The following LGALS3BP variants were observed in gnomAD, a reference collection of about 807,000 sequenced individuals.
LGALS3BP encodes galectin-3-binding protein.
A neutral mutation model predicts 22.9 loss-of-function variants in LGALS3BP; 25 were observed. The ratio of observed to expected loss-of-function variants is 1.09; its 90% confidence interval spans 0.80 to 1.53. LGALS3BP has a LOEUF of 1.53. Ranked by LOEUF, LGALS3BP falls within the 40% of genes most tolerant of loss-of-function variation. The probability of loss-of-function intolerance (pLI) is 0.00; values close to 1 mark genes in which losing one functional copy is unlikely to be tolerated. For missense variants in LGALS3BP, 718 were observed against 752.0 expected, an observed-to-expected ratio of 0.95 and a Z score of 0.53; for synonymous variants, 335 against 331.1, an observed-to-expected ratio of 1.01 and a Z score of -0.13.
Position 78,976,544 on chromosome 17 carries a change from C to T in LGALS3BP, c.53-388G>A, listed in dbSNP as rs1445328911. On this transcript the variant is annotated intron_variant, in intron 2 of 5. Coordinates refer to ENST00000262776, the MANE Select transcript of LGALS3BP (RefSeq NM_005567.4). This position sits in a 1 kb window ranked among gnomAD's most constrained non-coding sequence, Gnocchi z 4.6. ...GGTGTCTGCAGTTTGGGGGTGCTGG[C>T]CTATGGGGGCAGCAGGCCTAGGGAC... is the stretch of plus-strand genomic sequence containing the variant. 1.3e-5 allele frequency among the ~76,000 whole-genome samples: 2 copies of T among 152,100 alleles called. No homozygotes were observed. Among genetic ancestry groups the T allele is most frequent in the African/African-American group, 4.8e-5 (2 of 41,426 alleles).
chr17:78,978,872 T>G (rs1338149652), intron 1 of LGALS3BP, among the ~76,000 whole-genome samples: 2 of 152,170 alleles, frequency 1.3e-5, no homozygotes, highest in Non-Finnish European at 2.9e-5. Context: ...AAGACCAGCC[T>G]GGCCAACATG....
Position 78,973,201 on chromosome 17 carries a change from A to G in LGALS3BP, c.398T>C (p.Leu133Pro), listed in dbSNP as rs1421482319. The G allele has an allele frequency of 2.6e-6, 4 of 1,564,272 alleles. No individual in the cohort carries two copies. Among genetic ancestry groups the G allele is most frequent in the Non-Finnish European group, 3.5e-6 (4 of 1,154,426 alleles). The change falls in exon 5 of 6, where the codon CTG (leucine) becomes CCG (proline). Residue 133 changes from leucine to proline, a missense_variant. By Grantham distance (98) the Leu-to-Pro change is moderately conservative (BLOSUM62 -3). Coordinates refer to ENST00000262776, the MANE Select transcript of LGALS3BP (RefSeq NM_005567.4). The surrounding 1 kb of genome is among the most constrained non-coding windows in gnomAD (Gnocchi z 5.8). ...CTCCGAGAGCTCCCTGGAGAGGTCC[A>G]GGGTGTGGGTGCTCCTGGTTTCTAA... is the stretch of plus-strand genomic sequence containing the variant. ...CTNETRSTHT[L>P]DLSRELSEAL...
In LGALS3BP at chr17:78,971,625, C is replaced by A; in HGVS notation, c.1709G>T (p.Arg570Leu). 6.2e-7 allele frequency: 1 copy of A among 1,613,646 alleles called. No homozygotes were observed. Among genetic ancestry groups the A allele is most frequent in the Non-Finnish European group, 8.5e-7 (1 of 1,179,998 alleles). The change falls in exon 6 of 6, where the codon CGC becomes CTC. Residue 570 changes from arginine to leucine, a missense_variant. By Grantham distance (102) the Arg-to-Leu change is moderately radical (BLOSUM62 -2). Coordinates refer to ENST00000262776, the MANE Select transcript of LGALS3BP (RefSeq NM_005567.4). This position sits in a 1 kb window ranked among gnomAD's most constrained non-coding sequence, Gnocchi z 5.6. ...PCPAGHFNGF[R>L]TVIRPFYLTN... ...CAGGTAGAAGGGGCGGATGACCGTG[C>A]GGAAGCCGTTGAAGTGCCCTGCCGG...
chr17:78,972,878 G>C lies in LGALS3BP; in HGVS notation c.629+92C>G, dbSNP rs2070686440. 6.7e-7 allele frequency: 1 copy of C among 1,494,454 alleles called. No individual in the cohort carries two copies. Among genetic ancestry groups the C allele is most frequent in the African/African-American group, 1.4e-5 (1 of 72,096 alleles). The allele number at this position is 1,494,454 out of a possible 1,614,324, so 92.6% of individuals were successfully genotyped here. On this transcript the variant is annotated intron_variant, in intron 5 of 5. Coordinates refer to ENST00000262776, the MANE Select transcript of LGALS3BP (RefSeq NM_005567.4). This position sits in a 1 kb window ranked among gnomAD's most constrained non-coding sequence, Gnocchi z 5.1. Reference sequence around the variant, plus strand: ...TGTGTACATGTGCATGCATGAGTATGTGCAGGTGTGTGTGTGGGGGGCTGT... The same window carrying C: ...TGTGTACATGTGCATGCATGAGTATCTGCAGGTGTGTGTGTGGGGGGCTGT...
chr17:78,977,898 G>A (rs945175012), intron 1 of LGALS3BP, among the ~76,000 whole-genome samples: 1 of 152,212 alleles, frequency 6.6e-6, no homozygotes, highest in African/African-American at 2.4e-5. Flanking sequence ...AAATGCTGAA[G>A]TATCCCCAAG....
Position 78,976,042 on chromosome 17 carries a change from G to C in LGALS3BP, c.167C>G (p.Thr56Ser). The C allele has an allele frequency of 1.2e-6, 2 of 1,612,792 alleles. No individual in the cohort carries two copies. The highest frequency in any genetic ancestry group is 8.5e-7 in the Non-Finnish European group (1 of 1,179,858). The change falls in exon 3 of 6, where the codon ACT (threonine) becomes AGT (serine). Residue 56 changes from threonine (T) to serine (S), a missense_variant. Transcript: ENST00000262776. The surrounding 1 kb of genome is among the most constrained non-coding windows in gnomAD (Gnocchi z 4.6). ...GTVCDNLWDL[T>S]DASVVCRALG... ...GGCCCGGCAGACGACGCTGGCATCA[G>C]TCAGGTCCCACAGGTTGTCACACAC...
rs900287525 is a variant in LGALS3BP, at chr17:78,972,988, A to G, written c.611T>C (p.Met204Thr). The G allele has an allele frequency of 6.2e-7, 1 of 1,608,978 alleles. No homozygotes were observed. The highest frequency in any genetic ancestry group is 8.5e-7 in the Non-Finnish European group (1 of 1,176,038). Reference protein sequence around the residue: ...TMSVDAECVPMVRDLLRYFYS... With the variant: ...TMSVDAECVPTVRDLLRYFYS... ...GGCTCACCTGAGAAGGTCCCTGACC[A>G]TGGGCACACACTCAGCATCCACACT... The change falls in exon 5 of 6, where the codon ATG becomes ACG. Residue 204 changes from methionine (M) to threonine (T), a missense_variant. Transcript: ENST00000262776. This position sits in a 1 kb window ranked among gnomAD's most constrained non-coding sequence, Gnocchi z 5.1.
At position 78,976,053 on chromosome 17, in the gene LGALS3BP, C is replaced by A; in HGVS notation, c.156G>T (p.Leu52=). The part of the protein sequence containing the change: ...RGQWGTVCDN[L]WDLTDASVVC... ...CGACGCTGGCATCAGTCAGGTCCCA[C>A]AGGTTGTCACACACAGTGCCCCACT... is the stretch of plus-strand genomic sequence containing the variant. The change falls in exon 3 of 6, where the codon CTG becomes CTT. Residue 52 remains leucine (L), a synonymous_variant. Transcript: ENST00000262776. This position sits in a 1 kb window ranked among gnomAD's most constrained non-coding sequence, Gnocchi z 4.6. 1 of 1,612,592 alleles carries A rather than the reference C, an allele frequency of 6.2e-7. No homozygotes were observed. The highest frequency in any genetic ancestry group is 8.5e-7 in the Non-Finnish European group (1 of 1,179,784).
rs554653779 is a variant in LGALS3BP at position 78,977,566 on chromosome 17, G to A, written c.-23-352C>T. ...GGGCAAGGCTGCCACACGGGCATGGGCGGGGAGATGGAGGAGGCCACAGGC... is the reference window on the plus strand; with the variant it reads ...GGGCAAGGCTGCCACACGGGCATGGACGGGGAGATGGAGGAGGCCACAGGC... On this transcript the variant is annotated intron_variant, in intron 1 of 5. Transcript: ENST00000262776. The A allele has an allele frequency of 2.8e-4, 75 of 265,272 alleles. 1 individual carries two copies. In the South Asian group the frequency reaches 2.9e-3, roughly 10 times the overall value. 16.4% of individuals were successfully genotyped at this position (265,272 alleles called of 1,614,324 possible).
chr17:78,973,192 G>T lies in LGALS3BP; in HGVS notation c.407C>A (p.Ser136Tyr). The change falls in exon 5 of 6, where the codon TCC becomes TAC. Residue 136 changes from serine (S) to tyrosine (Y), a missense_variant. By Grantham distance (144) the Ser-to-Tyr change is moderately radical. Coordinates refer to ENST00000262776, the MANE Select transcript of LGALS3BP (RefSeq NM_005567.4). The surrounding 1 kb of genome is among the most constrained non-coding windows in gnomAD (Gnocchi z 5.8). ...ETRSTHTLDL[S>Y]RELSEALGQI... ...GCCAAGGGCCTCCGAGAGCTCCCTG[G>T]AGAGGTCCAGGGTGTGGGTGCTCCT... 6.3e-7 allele frequency: 1 copy of T among 1,583,890 alleles called. No individual in the cohort carries two copies. The highest frequency in any genetic ancestry group is 1.7e-4 in the Middle Eastern group (1 of 6,000).
At chr17:78,977,346 C>T (rs1248369787) in intron 1 of LGALS3BP, 132 bp from the exon 2 acceptor site, 18 of 680,834 alleles carry the variant, frequency 2.6e-5, no homozygotes, top group Non-Finnish European at 4.2e-5. Context: ...TTGCAGAGCC[C>T]ACTATGATCC....
In LGALS3BP at chr17:78,976,305, C is replaced by T. The variant is rs2070720513; in HGVS notation, c.53-149G>A. 1 of 677,028 alleles carries T rather than the reference C, an allele frequency of 1.5e-6. No individual in the cohort carries two copies. Among genetic ancestry groups the T allele is most frequent in the Non-Finnish European group, 2.4e-6 (1 of 417,926 alleles). 41.9% of individuals were successfully genotyped at this position (677,028 alleles called of 1,614,324 possible). On this transcript the variant is annotated intron_variant, in intron 2 of 5. Transcript: ENST00000262776. The surrounding 1 kb of genome is among the most constrained non-coding windows in gnomAD (Gnocchi z 4.6). The stretch of plus-strand genomic sequence containing the variant: ...CTGGCCTCTCCATGAGGGGCACCTC[C>T]ATGAGGGAGGAGTGGAAGATACATA...
intron 1 of LGALS3BP, among the ~76,000 whole-genome samples, chr17:78,978,339 G>A (rs79671005): frequency 0.011 from 1,714 of 152,350 alleles, 25 homozygotes; most frequent in African/African-American, 0.037. Flanking sequence ...TCTGGGACTC[G>A]TGCTCGCTGG....
chr17:78,979,167 C>T (rs1384965729), intron 1 of LGALS3BP, among the ~76,000 whole-genome samples: 3 of 152,178 alleles, frequency 2.0e-5, no homozygotes, highest in African/African-American at 7.2e-5. Flanking sequence ...AGTTGAGACC[C>T]GGCTGCCTGT....
rs893578729 is a variant in LGALS3BP, at chr17:78,977,892, G to T, written c.-23-678C>A. Among the ~76,000 whole-genome samples, 3 of 152,194 alleles carry T rather than the reference G, an allele frequency of 2.0e-5. No individual in the cohort carries two copies. In the East Asian group the frequency reaches 5.8e-4, roughly 29 times the overall value. On this transcript the variant is annotated intron_variant, in intron 1 of 5. Transcript: ENST00000262776. ...GCTGGGGGAAGAACAGGGAGGAAAT[G>T]CTGAAGTATCCCCAAGACACTGACA...
chr17:78,974,704 A>G lies in LGALS3BP; in HGVS notation c.360T>C (p.Gly120=). The part of the protein sequence containing the change: ...KSNCRHERDA[G]VVCTNETRST... ...CCCGCTCACCATTGGTGCAGACCAC[A>G]CCAGCGTCTCTCTCGTGCCTGCAGT... The change falls in exon 4 of 6, where the codon GGT becomes GGC. Residue 120 remains glycine, a synonymous_variant. Coordinates refer to ENST00000262776, the MANE Select transcript of LGALS3BP (RefSeq NM_005567.4). 8 of 1,613,548 alleles carry G rather than the reference A, an allele frequency of 5.0e-6. No homozygotes were observed. Among genetic ancestry groups the G allele is most frequent in the Non-Finnish European group, 6.8e-6 (8 of 1,179,994 alleles).
Position 78,972,172 on chromosome 17 carries a change from AG to A in LGALS3BP, c.1161del (p.Phe388SerfsTer10). 1 of 1,614,022 alleles carries A rather than the reference AG, an allele frequency of 6.2e-7. No individual in the cohort carries two copies. The highest frequency in any genetic ancestry group is 2.2e-5 in the East Asian group (1 of 44,874). ...CCTTTGTACCGGGCCAGCAACTGGA[AG>A]GGCACAGTGTGGAATTCCAGGGCCT... Reference protein sequence around the residue: ...TLQALEFHTVPFQLLARYKGL... With the variant: ...TLQALEFHTVXFQLLARYKGL... On this transcript the variant is annotated frameshift_variant, in exon 6 of 6. Coordinates refer to ENST00000262776, the MANE Select transcript of LGALS3BP (RefSeq NM_005567.4). LOFTEE classifies it low-confidence loss of function (END_TRUNC). This position sits in a 1 kb window ranked among gnomAD's most constrained non-coding sequence, Gnocchi z 5.1.
chr17:78,974,158 G>A (rs1023229720), intron 4 of LGALS3BP, among the ~76,000 whole-genome samples: 3 of 152,218 alleles, frequency 2.0e-5, no homozygotes, highest in African/African-American at 7.2e-5. Flanking sequence ...AAATGCCCAG[G>A]TTGTCACGTG....
chr17:78,971,811 T>C lies in LGALS3BP; in HGVS notation c.1523A>G (p.Lys508Arg). Residue 508 changes from lysine to arginine, a missense_variant, in exon 6 of 6, where the codon AAG (lysine) becomes AGG (arginine). Lys to Arg is a conservative substitution (Grantham distance 26). Transcript: ENST00000262776. This position sits in a 1 kb window ranked among gnomAD's most constrained non-coding sequence, Gnocchi z 5.6. ...AATGGTGCGATCTGAGCCGCCAGAC[T>C]TGGTGAGGCCCAGGACAGGGAGCTC... ...SDELPVLGLT[K>R]SGGSDRTIAY... 3.1e-6 allele frequency: 5 copies of C among 1,614,100 alleles called. No individual in the cohort carries two copies. Among genetic ancestry groups the C allele is most frequent in the Non-Finnish European group, 3.4e-6 (4 of 1,180,020 alleles).
Sources: gnomAD v4.1 joint callset for allele counts (sites outside exome capture counted in the v4.1 genomes callset) on GRCh38, gnomAD v4.1.1 for gene constraint, Gnocchi (gnomAD v3.1) non-coding constraint, MANE v1.5 for transcripts, NCBI Gene and HGNC (gene_info 2026-07-23, HGNC 2026-07-21) for gene names.